Variants in GBE1 observed in about 807,000 individuals in gnomAD.
The protein encoded by GBE1 is 1,4-alpha-glucan-branching enzyme.
Under a neutral mutation model 88.8 loss-of-function variants are expected in GBE1, and 70 were observed. That is an observed-to-expected ratio of 0.79 (90% CI 0.65 to 0.96). The LOEUF (loss-of-function observed/expected upper bound fraction) is 0.96. GBE1 is among the 40% of genes least tolerant of loss of function. The probability of loss-of-function intolerance (pLI) is 0.00; values close to 1 mark genes in which losing one functional copy is unlikely to be tolerated. For missense variants in GBE1, 872 were observed against 871.0 expected, an observed-to-expected ratio of 1.00 and a Z score of -0.01; for synonymous variants, 284 against 300.1, an observed-to-expected ratio of 0.95 and a Z score of 0.56.
In GBE1 at chr3:81,586,092, C is replaced by G; in HGVS notation, c.1335G>C (p.Gln445His). Residue 445 changes from glutamine (Q) to histidine (H), a missense_variant and splice_region_variant, in exon 10 of 16, where the codon CAG becomes CAC. Physicochemically the swap from Gln to His is conservative, Grantham distance 24. Transcript: ENST00000429644. ...LAMAIPDKWI[Q>H]LLKEFKDEDW... is the part of the protein sequence containing the mutation. ...AAAAAATATTTACATGGACTCTTACCTGAATCCACTTATCTGGAATTGCCA... is the reference window on the plus strand; with the variant it reads ...AAAAAATATTTACATGGACTCTTACGTGAATCCACTTATCTGGAATTGCCA... 2 of 1,583,564 alleles carry G rather than the reference C, an allele frequency of 1.3e-6. No individual in the cohort carries two copies. The highest frequency in any genetic ancestry group is 1.7e-6 in the Non-Finnish European group (2 of 1,156,670).
At chr3:81,722,917 C>T (rs2680263) in intron 1 of GBE1, among the ~76,000 whole-genome samples, 42,600 of 113,182 alleles carry the variant, frequency 0.38, 10,901 homozygotes, top group African/African-American at 0.71. Context: ...TATATATATA[C>T]ACACAAGTAA....
chr3:81,737,426 TA>T (rs1305081333), intron 1 of GBE1, among the ~76,000 whole-genome samples: 1 of 140,720 alleles, frequency 7.1e-6, no homozygotes, highest in African/African-American at 2.6e-5. Context: ...TATAAATATA[TA>T]TATTCATTTA....
intron 7 of GBE1, among the ~76,000 whole-genome samples, chr3:81,640,731 A>T (rs1464523483): frequency 1.3e-5 from 2 of 152,026 alleles, no homozygotes; most frequent in Non-Finnish European, 2.9e-5. Context: ...GAAAATTTAG[A>T]TATTGGTCAA....
At chr3:81,666,559 A>G (rs1411468605) in intron 3 of GBE1, among the ~76,000 whole-genome samples, 3 of 152,358 alleles carry the variant, frequency 2.0e-5, no homozygotes, top group Non-Finnish European at 4.4e-5. Flanking sequence ...TTAACTTTTT[A>G]TTAATGTAAA....
At position 81,695,672 on chromosome 3, in the gene GBE1, T is replaced by G. The variant is rs1576202856; in HGVS notation, c.313+9772A>C. Among the ~76,000 whole-genome samples the G allele has an allele frequency of 2.6e-5, 4 of 152,282 alleles. No homozygotes were observed. In the South Asian group the frequency reaches 6.2e-4, roughly 24 times the overall value. On this transcript the variant is annotated intron_variant, in intron 2 of 15. Coordinates refer to ENST00000429644, the MANE Select transcript of GBE1 (RefSeq NM_000158.4). ...TGAATATCCCTCAACTTTTAAAATA[T>G]TAGAATGAAAAAGAAAGAAATAAAA...
chr3:81,710,281 C>CTGGA (rs2107175138), intron 1 of GBE1, among the ~76,000 whole-genome samples: 1 of 118,040 alleles, frequency 8.5e-6, no homozygotes, highest in South Asian at 2.7e-4. Flanking sequence ...GTTGCCCAGG[C>CTGGA]TGGAGTGCAG....
At position 81,541,972 on chromosome 3, in the gene GBE1, T is replaced by C. The variant is rs1703147835; in HGVS notation, c.1619-4877A>G. Reference sequence around the variant, plus strand: ...AGTAATCCACTCATAGAAATATTTTTAAAAATCACAATTACACACACAGAT... The same window carrying C: ...AGTAATCCACTCATAGAAATATTTTCAAAAATCACAATTACACACACAGAT... On this transcript the variant is annotated intron_variant, in intron 12 of 15. Coordinates refer to ENST00000429644, the MANE Select transcript of GBE1 (RefSeq NM_000158.4). Among the ~76,000 whole-genome samples, 8 of 152,190 alleles carry C rather than the reference T, an allele frequency of 5.3e-5. No homozygotes were observed. The South Asian group carries it at 1.7e-3, about 32-fold the overall frequency.
chr3:81,721,969 G>A (rs1706041422), intron 1 of GBE1, among the ~76,000 whole-genome samples: 1 of 152,066 alleles, frequency 6.6e-6, no homozygotes, highest in Non-Finnish European at 1.5e-5. Context: ...ACTTTACTAA[G>A]GGCACTCAGC....
At chr3:81,535,412 G>A in intron 13 of GBE1, 87 bp from the exon 14 acceptor site, 13 of 1,264,856 alleles carry the variant, frequency 1.0e-5, no homozygotes, top group Non-Finnish European at 1.4e-5. Flanking sequence ...TAATAGTCTG[G>A]TTATTAAACC....
chr3:81,710,000 A>C (rs543674180), intron 1 of GBE1, among the ~76,000 whole-genome samples: 1 of 152,300 alleles, frequency 6.6e-6, no homozygotes, highest in African/African-American at 2.4e-5. Context: ...AACTGTTATA[A>C]AAATTATCAG....
At chr3:81,640,640 C>T (rs1056868952) in intron 7 of GBE1, among the ~76,000 whole-genome samples, 6 of 151,064 alleles carry the variant, frequency 4.0e-5, no homozygotes, top group African/African-American at 7.3e-5. Context: ...ATATATATAT[C>T]CTATTAGTTC....
At chr3:81,498,499 T>A (rs903213484) in intron 15 of GBE1, among the ~76,000 whole-genome samples, 1 of 152,166 alleles carries the variant, frequency 6.6e-6, no homozygotes, top group African/African-American at 2.4e-5. Context: ...TTAAAGAATT[T>A]AAACATAGTA....
intron 13 of GBE1, among the ~76,000 whole-genome samples, chr3:81,536,599 C>T (rs2106871505): frequency 6.6e-6 from 1 of 151,978 alleles, no homozygotes; most frequent in East Asian, 1.9e-4. Context: ...AAGATGTTTC[C>T]ACAGCAATTT....
chr3:81,731,004 G>A (rs767398597), intron 1 of GBE1, among the ~76,000 whole-genome samples: 1 of 152,130 alleles, frequency 6.6e-6, no homozygotes, highest in Admixed American at 6.5e-5. Flanking sequence ...GGACTTTGTG[G>A]ATTACCTAAG....
intron 15 of GBE1, 110 bp downstream of exon 15, chr3:81,499,000 T>G: frequency 1.5e-6 from 1 of 689,050 alleles, no homozygotes; most frequent in Non-Finnish European, 2.5e-6. Context: ...CTTTCCTTCA[T>G]GCTTTTTTTC....
intron 14 of GBE1, among the ~76,000 whole-genome samples, chr3:81,508,529 C>A (rs1282508060): frequency 6.6e-6 from 1 of 152,040 alleles, no homozygotes; most frequent in African/African-American, 2.4e-5. Flanking sequence ...TTACACCCTG[C>A]AGACTCAACA....
At chr3:81,539,033 T>C (rs1703113163) in intron 12 of GBE1, among the ~76,000 whole-genome samples, 1 of 152,050 alleles carries the variant, frequency 6.6e-6, no homozygotes, top group African/African-American at 2.4e-5. Flanking sequence ...GGCACGATTG[T>C]AGGCATTGCA....
chr3:81,749,919 T>A (rs954758676), intron 1 of GBE1, among the ~76,000 whole-genome samples: 1 of 152,248 alleles, frequency 6.6e-6, no homozygotes, highest in African/African-American at 2.4e-5. Flanking sequence ...TTGATACTAC[T>A]CTTATTTCTA....
intron 12 of GBE1, among the ~76,000 whole-genome samples, chr3:81,572,992 A>C (rs1035506314): frequency 6.6e-6 from 1 of 152,198 alleles, no homozygotes; most frequent in Non-Finnish European, 1.5e-5. Context: ...CAGAAAGCTG[A>C]GTAAAATACA....
Sources: gnomAD v4.1 joint callset for allele counts (sites outside exome capture counted in the v4.1 genomes callset) on GRCh38, gnomAD v4.1.1 for gene constraint, MANE v1.5 for transcripts, NCBI Gene and HGNC (gene_info 2026-07-23, HGNC 2026-07-21) for gene names.